AKAP19: variants seen among roughly 807,000 people sequenced by gnomAD.
AKAP19 encodes the protein small A-kinase anchoring protein.
the AKAP19 span, among the ~76,000 whole-genome samples, chr2:190,081,319 A>T: frequency 2.6e-5 from 4 of 151,824 alleles, no homozygotes; most frequent in Non-Finnish European, 5.9e-5. Context: ...ATTACCTGAG[A>T]TATTTTCATC....
the AKAP19 span, among the ~76,000 whole-genome samples, chr2:189,925,378 A>T: frequency 6.6e-6 from 1 of 152,218 alleles, no homozygotes; most frequent in African/African-American, 2.4e-5. Flanking sequence ...TAGACTTAAT[A>T]GTTCCTTAGA....
the AKAP19 span, among the ~76,000 whole-genome samples, chr2:190,098,088 G>A: frequency 6.6e-6 from 1 of 151,996 alleles, no homozygotes; most frequent in Non-Finnish European, 1.5e-5. Flanking sequence ...TCCTGTGAAT[G>A]TTGAGAGTTT....
the AKAP19 span, among the ~76,000 whole-genome samples, chr2:189,931,813 G>A: frequency 6.6e-6 from 1 of 151,968 alleles, no homozygotes; most frequent in African/African-American, 2.4e-5. Flanking sequence ...GGGAGAGATG[G>A]GGTTTCACCA....
the AKAP19 span, among the ~76,000 whole-genome samples, chr2:190,035,965 TTTA>T: frequency 1.3e-5 from 2 of 152,126 alleles, no homozygotes; most frequent in African/African-American, 4.8e-5. Flanking sequence ...GATGGGTGTG[TTTA>T]TTATTATAAG....
At chr2:189,954,913 TTAAAC>T in the AKAP19 span, among the ~76,000 whole-genome samples, 2 of 152,202 alleles carry the variant, frequency 1.3e-5, no homozygotes, top group Non-Finnish European at 2.9e-5. Context: ...AAGTTTATCT[TTAAAC>T]TATTCAGTTA....
At chr2:190,144,150 A>C in the AKAP19 span, among the ~76,000 whole-genome samples, 1 of 148,486 alleles carries the variant, frequency 6.7e-6, no homozygotes, top group Admixed American at 6.8e-5. Context: ...GTGCACATGT[A>C]CCCTAAAACT....
At chr2:190,181,730 A>C in the AKAP19 span, among the ~76,000 whole-genome samples, 2 of 152,216 alleles carry the variant, frequency 1.3e-5, no homozygotes, top group East Asian at 3.9e-4. Flanking sequence ...CTTATCAAAG[A>C]CCATCTTTTT....
At chr2:190,066,240 ACT>A in the AKAP19 span, among the ~76,000 whole-genome samples, 3 of 152,014 alleles carry the variant, frequency 2.0e-5, no homozygotes, top group Non-Finnish European at 4.4e-5. Flanking sequence ...GGCAAGCGAA[ACT>A]CTCTCATCTC....
the AKAP19 span, among the ~76,000 whole-genome samples, chr2:190,189,147 C>T: frequency 6.6e-6 from 1 of 152,076 alleles, no homozygotes; most frequent in Admixed American, 6.6e-5. Flanking sequence ...GAGATCAGGT[C>T]AAGGACAGGG....
the AKAP19 span, among the ~76,000 whole-genome samples, chr2:190,030,433 G>A: frequency 6.6e-6 from 1 of 152,050 alleles, no homozygotes; most frequent in Non-Finnish European, 1.5e-5. Context: ...CATTAGTATA[G>A]GTGCCACCAA....
chr2:190,088,672 T>C, the AKAP19 span, among the ~76,000 whole-genome samples: 17 of 152,324 alleles, frequency 1.1e-4, no homozygotes, highest in Admixed American at 9.2e-4. Context: ...TTCGGCAAAA[T>C]TGAGTTTTAG....
chr2:190,103,831 AT>A, the AKAP19 span, among the ~76,000 whole-genome samples: 3 of 152,234 alleles, frequency 2.0e-5, no homozygotes, highest in Admixed American at 6.5e-5. Flanking sequence ...TTAGAAAAAA[AT>A]TCTAAAATTC....
chr2:189,883,649 A>G, the AKAP19 span, among the ~76,000 whole-genome samples: 1 of 151,984 alleles, frequency 6.6e-6, no homozygotes, highest in Non-Finnish European at 1.5e-5. Context: ...CGGGAGGGGT[A>G]GACTTCTTCC....
chr2:189,986,738 G>A, the AKAP19 span, among the ~76,000 whole-genome samples: 2 of 152,206 alleles, frequency 1.3e-5, no homozygotes, highest in South Asian at 4.1e-4. Context: ...AGCAGCAAGA[G>A]CAGCCATTCA....
the AKAP19 span, among the ~76,000 whole-genome samples, chr2:189,973,179 GT>G: frequency 1.3e-5 from 2 of 152,148 alleles, no homozygotes; most frequent in Non-Finnish European, 2.9e-5. Flanking sequence ...TTTATTGAGA[GT>G]TTTTAGCATA....
chr2:189,999,970 TA>T, the AKAP19 span, among the ~76,000 whole-genome samples: 1 of 152,206 alleles, frequency 6.6e-6, no homozygotes, highest in South Asian at 2.1e-4. Context: ...ACGTAGGCAA[TA>T]AAATGGACTT....
At chr2:189,888,960 T>A in the AKAP19 span, among the ~76,000 whole-genome samples, 1 of 151,942 alleles carries the variant, frequency 6.6e-6, no homozygotes, top group Non-Finnish European at 1.5e-5. Context: ...TTGGAGAACT[T>A]CCAATACTAT....
the AKAP19 span, among the ~76,000 whole-genome samples, chr2:189,907,843 T>C: frequency 2.6e-5 from 4 of 152,298 alleles, no homozygotes; most frequent in East Asian, 1.9e-4. Context: ...ATCCAACTTA[T>C]TGGCATACAA....
the AKAP19 span, among the ~76,000 whole-genome samples, chr2:189,946,081 T>C: frequency 6.6e-6 from 1 of 152,184 alleles, no homozygotes; most frequent in Non-Finnish European, 1.5e-5. Context: ...TTCACAAAAC[T>C]ATCATGGAGA....
Sources: gnomAD v4.1 joint callset for allele counts (sites outside exome capture counted in the v4.1 genomes callset) on GRCh38, gnomAD v4.1.1 for gene constraint, MANE v1.5 for transcripts, NCBI Gene and HGNC (gene_info 2026-07-23, HGNC 2026-07-21) for gene names.